RBMS1: variants seen among roughly 807,000 people sequenced by gnomAD.
RBMS1 encodes RNA-binding motif, single-stranded-interacting protein 1.
A neutral mutation model predicts 62.3 loss-of-function variants in RBMS1; 17 were observed. The ratio of observed to expected loss-of-function variants is 0.27; its 90% confidence interval spans 0.19 to 0.41. The LOEUF (loss-of-function observed/expected upper bound fraction) is 0.41, where lower values mean the gene tolerates loss of function less well. RBMS1 is among the 10% of genes least tolerant of loss of function. RBMS1 has a pLI of 1.00. For synonymous variants in RBMS1, 172 were observed against 170.0 expected (o/e 1.01, Z -0.09); for missense variants, 334 against 504.5 (o/e 0.66, Z 3.24).
At chr2:160,453,680 A>G (rs1684093742) in intron 1 of RBMS1, among the ~76,000 whole-genome samples, 1 of 152,050 alleles carries the variant, frequency 6.6e-6, no homozygotes, top group Non-Finnish European at 1.5e-5. Flanking sequence ...CATGCTTCAA[A>G]CATTTCATGG....
At chr2:160,422,429 T>C (rs964416651) in intron 1 of RBMS1, among the ~76,000 whole-genome samples, 2 of 152,226 alleles carry the variant, frequency 1.3e-5, no homozygotes, top group African/African-American at 4.8e-5. Context: ...ACAAAAATTA[T>C]AGCATTAGAC....
chr2:160,310,912 G>A (rs1689817290), intron 4 of RBMS1, among the ~76,000 whole-genome samples: 2 of 152,052 alleles, frequency 1.3e-5, no homozygotes, highest in Non-Finnish European at 1.5e-5. Flanking sequence ...GCTCACATGA[G>A]GCCAGGTGTG....
chr2:160,471,370 T>C (rs189879528), intron 1 of RBMS1, among the ~76,000 whole-genome samples: 3 of 152,244 alleles, frequency 2.0e-5, no homozygotes, highest in African/African-American at 7.2e-5. Context: ...CAGACATTTC[T>C]ATGTAAGTAT....
intron 6 of RBMS1, among the ~76,000 whole-genome samples, chr2:160,292,242 G>T (rs1284600295): frequency 6.6e-6 from 1 of 152,188 alleles, no homozygotes; most frequent in East Asian, 1.9e-4. Flanking sequence ...GTGACTCCGG[G>T]AAAGTTATTC....
chr2:160,317,995 C>A (rs1163808323), intron 3 of RBMS1, among the ~76,000 whole-genome samples, 174 bp downstream of exon 3: 1 of 152,004 alleles, frequency 6.6e-6, no homozygotes, highest in Non-Finnish European at 1.5e-5. Context: ...AGCCAAAACC[C>A]AACCAGGGAC....
chr2:160,316,705 TA>T (rs1559369789), intron 3 of RBMS1, among the ~76,000 whole-genome samples: 1 of 152,136 alleles, frequency 6.6e-6, no homozygotes, highest in Non-Finnish European at 1.5e-5. Flanking sequence ...TTCTTTTACT[TA>T]AATTAGGGCA....
At chr2:160,331,778 C>CTAGAAAA (rs1159418525) in intron 2 of RBMS1, among the ~76,000 whole-genome samples, 8 of 152,082 alleles carry the variant, frequency 5.3e-5, no homozygotes, top group Non-Finnish European at 1.0e-4. Context: ...CGATGCTTAC[C>CTAGAAAA]TAGAAAAGGA....
At chr2:160,438,685 C>T (rs1439502446) in intron 1 of RBMS1, among the ~76,000 whole-genome samples, 2 of 152,202 alleles carry the variant, frequency 1.3e-5, no homozygotes, top group African/African-American at 2.4e-5. Flanking sequence ...GGCAACCATC[C>T]GATTTCTCAG....
At chr2:160,436,855 G>A (rs180841413) in intron 1 of RBMS1, among the ~76,000 whole-genome samples, 10 of 152,146 alleles carry the variant, frequency 6.6e-5, no homozygotes, top group African/African-American at 1.9e-4. Context: ...AATTTTAAAG[G>A]AGCTAACAGA....
chr2:160,430,280 G>A (rs1179176640), intron 1 of RBMS1, among the ~76,000 whole-genome samples: 1 of 152,190 alleles, frequency 6.6e-6, no homozygotes, highest in African/African-American at 2.4e-5. Flanking sequence ...TAAGTTTTAA[G>A]TTGGAGGTAA....
At chr2:160,339,506 T>C (rs1236247069) in intron 2 of RBMS1, among the ~76,000 whole-genome samples, 1 of 152,132 alleles carries the variant, frequency 6.6e-6, no homozygotes, top group Non-Finnish European at 1.5e-5. Context: ...CTAAAAGTTC[T>C]GGGAAAAGCA....
chr2:160,385,831 A>C (rs1261620958), intron 1 of RBMS1, among the ~76,000 whole-genome samples: 1 of 152,196 alleles, frequency 6.6e-6, no homozygotes, highest in Non-Finnish European at 1.5e-5. Context: ...CTATCTATGT[A>C]CCACATGACA....
intron 7 of RBMS1, among the ~76,000 whole-genome samples, chr2:160,285,854 G>T (rs1342680991): frequency 6.6e-6 from 1 of 152,048 alleles, no homozygotes; most frequent in African/African-American, 2.4e-5. Context: ...GTTCACGCCT[G>T]TAATCCCAGC....
chr2:160,334,939 G>GA lies in RBMS1; in HGVS notation c.252-16713dup, dbSNP rs370858164. 1.3e-3 allele frequency among the ~76,000 whole-genome samples: 182 copies of GA among 139,222 alleles called. 1 individual carries two copies. Among genetic ancestry groups the GA allele is most frequent in the Middle Eastern group, 3.7e-3 (1 of 268 alleles). 91.3% of individuals were successfully genotyped at this position (139,222 alleles called of 152,430 possible). On this transcript the variant is annotated intron_variant, in intron 2 of 13. Transcript: ENST00000348849. Reference sequence around the variant, plus strand: ...TACCTAAGATTTTATCCTGAAATGTGAAAAAAAAAAAGGGATATTTATCTC... The same window carrying GA: ...TACCTAAGATTTTATCCTGAAATGTGAAAAAAAAAAAAGGGATATTTATCTC...
chr2:160,281,626 G>A (rs1021841093), intron 9 of RBMS1: 4 of 336,550 alleles, frequency 1.2e-5, no homozygotes, highest in East Asian at 1.1e-4. Context: ...AGAAAAAGGC[G>A]AAACAGACTG....
intron 6 of RBMS1, among the ~76,000 whole-genome samples, chr2:160,295,845 C>T (rs1285562339): frequency 1.3e-5 from 2 of 152,224 alleles, no homozygotes; most frequent in Non-Finnish European, 2.9e-5. Context: ...CAGGGAAGAT[C>T]TTATCTTAGA....
chr2:160,481,021 C>A (rs950634755), intron 1 of RBMS1, among the ~76,000 whole-genome samples: 3 of 146,946 alleles, frequency 2.0e-5, no homozygotes, highest in African/African-American at 7.6e-5. Flanking sequence ...GCAGAGGTTG[C>A]AGTGAGCCTA....
At chr2:160,412,944 C>T (rs972910610) in intron 1 of RBMS1, among the ~76,000 whole-genome samples, 1 of 152,090 alleles carries the variant, frequency 6.6e-6, no homozygotes, top group Non-Finnish European at 1.5e-5. Flanking sequence ...TACCGAGCCC[C>T]ACATAAAAGA....
intron 1 of RBMS1, among the ~76,000 whole-genome samples, chr2:160,467,706 C>T (rs182843576): frequency 6.6e-6 from 1 of 152,046 alleles, no homozygotes; most frequent in South Asian, 2.1e-4. Context: ...TAGGATACAC[C>T]ATTAGTCTAT....
Sources: gnomAD v4.1 joint callset for allele counts (sites outside exome capture counted in the v4.1 genomes callset) on GRCh38, gnomAD v4.1.1 for gene constraint, MANE v1.5 for transcripts, NCBI Gene and HGNC (gene_info 2026-07-23, HGNC 2026-07-21) for gene names.